Variants in KIF13B observed in about 807,000 individuals in gnomAD.
The protein encoded by KIF13B is kinesin-like protein KIF13B.
A neutral mutation model predicts 222.0 loss-of-function variants in KIF13B; 127 were observed. The observed-to-expected ratio is 0.57, with a 90% CI of 0.50 to 0.66. The LOEUF is 0.66. Among genes scored for constraint, KIF13B ranks in the 30% least tolerant of loss-of-function variants. The pLI, the probability that KIF13B is intolerant of heterozygous loss-of-function variation, is 0.00. For missense variants in KIF13B, 2,173 were observed against 2,379.0 expected (o/e 0.91, Z 1.80); for synonymous variants, 976 against 919.0 (o/e 1.06, Z -1.12).
chr8:29,243,047 C>T (rs894604631), intron 2 of KIF13B, among the ~76,000 whole-genome samples: 1 of 152,100 alleles, frequency 6.6e-6, no homozygotes, highest in African/African-American at 2.4e-5. Flanking sequence ...TACATTTTGG[C>T]TTAAAAATGT....
chr8:29,207,604 A>C (rs1421479673), intron 2 of KIF13B, among the ~76,000 whole-genome samples: 1 of 152,082 alleles, frequency 6.6e-6, no homozygotes, highest in East Asian at 1.9e-4. Context: ...CAAAAAAAAA[A>C]GTTTCAACAG....
intron 2 of KIF13B, among the ~76,000 whole-genome samples, chr8:29,243,847 T>G (rs1269014743): frequency 7.9e-5 from 12 of 152,196 alleles, no homozygotes; most frequent in Admixed American, 7.2e-4. Flanking sequence ...AACCTGCCCA[T>G]GTACAGAACA....
chr8:29,165,904 T>TTCGATTGTAGATCAAAGTACC (rs1554610891), intron 11 of KIF13B, 132 bp from the exon 12 acceptor site: 37 of 567,970 alleles, frequency 6.5e-5, no homozygotes, highest in African/African-American at 4.0e-4. Context: ...TGACATCTAC[T>TTCGATTGTAGATCAAAGTACC]TCGATTGTAG....
chr8:29,204,674 C>A (rs1319379061), intron 2 of KIF13B, among the ~76,000 whole-genome samples: 1 of 151,816 alleles, frequency 6.6e-6, no homozygotes, highest in African/African-American at 2.4e-5. Flanking sequence ...TTAATCATGG[C>A]AAATTCAAAT....
intron 29 of KIF13B, 36 bp from the exon 30 acceptor site, chr8:29,119,028 A>C (rs2129698304): frequency 1.3e-6 from 2 of 1,597,088 alleles, no homozygotes; most frequent in Non-Finnish European, 1.7e-6. Context: ...TACTGAGATC[A>C]TTTTCAAGGA....
intron 19 of KIF13B, among the ~76,000 whole-genome samples, chr8:29,141,192 G>A (rs761098261): frequency 6.6e-6 from 1 of 152,132 alleles, no homozygotes; most frequent in East Asian, 1.9e-4. Context: ...AAATTAGCCA[G>A]GTGTGGTGGT....
At chr8:29,094,124 T>C (rs1371195482) in intron 36 of KIF13B, among the ~76,000 whole-genome samples, 2 of 152,178 alleles carry the variant, frequency 1.3e-5, no homozygotes, top group African/African-American at 4.8e-5. Flanking sequence ...TCAGACATTA[T>C]GTGTCTCCAA....
At chr8:29,103,491 T>A (rs928854735) in intron 35 of KIF13B, among the ~76,000 whole-genome samples, 2 of 152,168 alleles carry the variant, frequency 1.3e-5, no homozygotes, top group South Asian at 4.1e-4. Flanking sequence ...ACGATAGCAA[T>A]AAATAGAAAC....
intron 37 of KIF13B, among the ~76,000 whole-genome samples, chr8:29,077,321 G>A (rs1412325274): frequency 1.3e-5 from 2 of 152,214 alleles, no homozygotes; most frequent in African/African-American, 2.4e-5. Flanking sequence ...TCCCAGAGAA[G>A]AAAGTGAGGC....
At chr8:29,255,008 C>A (rs1172859598) in intron 1 of KIF13B, among the ~76,000 whole-genome samples, 2 of 152,136 alleles carry the variant, frequency 1.3e-5, no homozygotes, top group Non-Finnish European at 2.9e-5. Flanking sequence ...GCCCTGAATA[C>A]ATTATACCAA....
In KIF13B at chr8:29,071,656, C is replaced by T. The variant is rs759867597; in HGVS notation, c.5182G>A (p.Gly1728Ser). ...RYVGPADFQE[G>S]TWVGVELDLP... ...TCGAGCTCCACGCCGACCCACGTGC[C>T]CTCTTGGAAGTCGGCAGGCCCCACG... is the stretch of plus-strand genomic sequence containing the variant. The change falls in exon 39 of 40, where the codon GGC (glycine) becomes AGC (serine). Residue 1728 changes from glycine (G) to serine (S), a missense_variant. By Grantham distance (56) the Gly-to-Ser change is moderately conservative. Around this residue, in one of 2 missense-constraint regions of KIF13B, gnomAD observed 693 missense variants for 656.2 expected, o/e 1.06. Transcript: ENST00000524189. The surrounding 1 kb of genome is among the most constrained non-coding windows in gnomAD (Gnocchi z 4.9). The T allele has an allele frequency of 6.4e-7, 1 of 1,555,388 alleles. No homozygotes were observed. The highest frequency in any genetic ancestry group is 1.9e-5 in the Admixed American group (1 of 51,834).
intron 25 of KIF13B, 83 bp from the exon 26 acceptor site, chr8:29,126,594 C>A: frequency 1.2e-6 from 1 of 813,828 alleles, no homozygotes; most frequent in Non-Finnish European, 2.0e-6. Flanking sequence ...GACTCTTTAC[C>A]CATAATTTAT....
Position 29,075,331 on chromosome 8 carries a change from T to G in KIF13B, c.4471A>C (p.Ile1491Leu). 6.4e-7 allele frequency: 1 copy of G among 1,559,318 alleles called. No homozygotes were observed. Among genetic ancestry groups the G allele is most frequent in the South Asian group, 1.2e-5 (1 of 84,424 alleles). The change falls in exon 38 of 40, where the codon ATC becomes CTC. Residue 1491 changes from isoleucine to leucine, a missense_variant. Coordinates refer to ENST00000524189, the MANE Select transcript of KIF13B (RefSeq NM_015254.4). ...SPLAHQPVPR[I>L]MVQSASPDIR... ...TCCGGGCTGGCTGACTGCACCATGA[T>G]GCGGGGCACGGGCTGAGGAGGCAAG...
chr8:29,228,472 A>AAAAAATAT lies in KIF13B; in HGVS notation c.149+16873_149+16874insATATTTTT. Among the ~76,000 whole-genome samples the AAAAAATAT allele has an allele frequency of 3.5e-3, 412 of 117,076 alleles. 15 individuals carry two copies. The highest frequency in any genetic ancestry group is 0.012 in the African/African-American group (372 of 30,722). 76.8% of individuals were successfully genotyped at this position (117,076 alleles called of 152,430 possible). On this transcript the variant is annotated intron_variant, in intron 2 of 39. Transcript: ENST00000524189. Reference sequence around the variant, plus strand: ...ACAGAGCCAGACTCCATCTTAAAAAAATATATATATATATATATGAGATAC... The same window carrying AAAAAATAT: ...ACAGAGCCAGACTCCATCTTAAAAAAAAAAATATATATATATATATATATATGAGATAC...
chr8:29,159,862 T>C (rs1303532426), intron 13 of KIF13B, among the ~76,000 whole-genome samples: 1 of 152,246 alleles, frequency 6.6e-6, no homozygotes, highest in Non-Finnish European at 1.5e-5. Flanking sequence ...CCAGGATCTC[T>C]CCAGGCTTTT....
At chr8:29,141,466 T>C (rs1199230759) in intron 19 of KIF13B, among the ~76,000 whole-genome samples, 1 of 152,120 alleles carries the variant, frequency 6.6e-6, no homozygotes, top group Admixed American at 6.5e-5. Flanking sequence ...CACCTAACTA[T>C]AAGAAACATT....
rs889073617 is a variant in KIF13B at position 29,245,230 on chromosome 8, A to G, written c.149+116T>C. On this transcript the variant is annotated intron_variant, in intron 2 of 39. Coordinates refer to ENST00000524189, the MANE Select transcript of KIF13B (RefSeq NM_015254.4). The stretch of plus-strand genomic sequence containing the variant: ...TGAGTACAGGCTCACAGAAGACAGC[A>G]ATATGTCTCTACAGGGTAGGCATTC... 1.5e-5 allele frequency: 11 copies of G among 714,022 alleles called. No individual in the cohort carries two copies. The East Asian group carries it at 2.7e-4, about 18-fold the overall frequency. The allele number at this position is 714,022 out of a possible 1,614,324, so 44.2% of individuals were successfully genotyped here.
chr8:29,212,726 T>C (rs989126346), intron 2 of KIF13B, among the ~76,000 whole-genome samples: 3 of 151,734 alleles, frequency 2.0e-5, no homozygotes, highest in African/African-American at 7.3e-5. Context: ...GGTCATGTGG[T>C]AAGTAAATAT....
Position 29,071,791 on chromosome 8 carries a change from C to G in KIF13B, c.5047G>C (p.Gly1683Arg), listed in dbSNP as rs981072011. ...AEGNAPAPGA[G>R]GQALASDSEE... Reference sequence around the variant, plus strand: ...GAATCAGAGGCCAGGGCCTGTCCCCCGGCGCCCGGGGCCGGCGCATTCCCC... The same window carrying G: ...GAATCAGAGGCCAGGGCCTGTCCCCGGGCGCCCGGGGCCGGCGCATTCCCC... Residue 1683 changes from glycine to arginine, a missense_variant, in exon 39 of 40, where the codon GGG (glycine) becomes CGG (arginine). Transcript: ENST00000524189. This position sits in a 1 kb window ranked among gnomAD's most constrained non-coding sequence, Gnocchi z 4.9. 20 of 1,547,242 alleles carry G rather than the reference C, an allele frequency of 1.3e-5. No individual in the cohort carries two copies. In the African/African-American group the frequency reaches 2.7e-4, roughly 21 times the overall value.
Sources: allele counts gnomAD v4.1 joint callset (sites outside exome capture counted in the v4.1 genomes callset), GRCh38; gene constraint gnomAD v4.1.1; regional missense constraint gnomAD v4.1.1; non-coding constraint Gnocchi (gnomAD v3.1); transcripts MANE v1.5; gene names NCBI Gene and HGNC (gene_info 2026-07-23, HGNC 2026-07-21).